The following GREB1L variants were observed in gnomAD, a reference collection of about 807,000 sequenced individuals.
GREB1L encodes GREB1-like protein.
A neutral mutation model predicts 200.8 loss-of-function variants in GREB1L; 17 were observed. That is an observed-to-expected ratio of 0.08 (90% confidence interval 0.06 to 0.13). The LOEUF (loss-of-function observed/expected upper bound fraction) is 0.13, where lower values mean the gene tolerates loss of function less well. GREB1L is among the 10% of genes least tolerant of loss of function. The probability of loss-of-function intolerance (pLI) is 1.00; values close to 1 mark genes in which losing one functional copy is unlikely to be tolerated. For synonymous variants in GREB1L, 789 were observed against 893.0 expected, an observed-to-expected ratio of 0.88 and a Z score of 2.08; for missense variants, 1,657 against 2,367.7, an observed-to-expected ratio of 0.70 and a Z score of 6.23.
chr18:21,310,736 C>T (rs1200320580), intron 1 of GREB1L, among the ~76,000 whole-genome samples: 1 of 152,168 alleles, frequency 6.6e-6, no homozygotes, highest in Non-Finnish European at 1.5e-5. Flanking sequence ...ATTTCATATT[C>T]TATTACTAAG....
chr18:21,484,874 A>G (rs1473506042), intron 17 of GREB1L, among the ~76,000 whole-genome samples: 3 of 152,314 alleles, frequency 2.0e-5, no homozygotes, highest in Middle Eastern at 3.4e-3. Flanking sequence ...AGGCAACATG[A>G]CAGCAAGCAG....
chr18:21,396,725 TTATC>T (rs2041082076), intron 5 of GREB1L, among the ~76,000 whole-genome samples: 1 of 152,218 alleles, frequency 6.6e-6, no homozygotes, highest in Admixed American at 6.5e-5. Context: ...GTAAATGACT[TTATC>T]TAGAATTATT....
At chr18:21,444,188 A>T in intron 10 of GREB1L, 36 bp from the exon 11 acceptor site, 5 of 1,451,862 alleles carry the variant, frequency 3.4e-6, no homozygotes, top group Non-Finnish European at 4.7e-6. Flanking sequence ...ATAAAAAGAA[A>T]TGTTGAACTG....
intron 1 of GREB1L, among the ~76,000 whole-genome samples, chr18:21,359,108 G>T (rs1017939469): frequency 1.4e-4 from 21 of 152,190 alleles, no homozygotes; most frequent in African/African-American, 5.1e-4. Flanking sequence ...GGTTACTCGG[G>T]CAGATTTGGG....
At chr18:21,434,497 ATATGTGTGTG>A (rs1235987434) in intron 7 of GREB1L, among the ~76,000 whole-genome samples, 1 of 122,418 alleles carries the variant, frequency 8.2e-6, no homozygotes, top group African/African-American at 3.1e-5. Context: ...ATATATATAT[ATATGTGTGTG>A]TGTGTGTGTG....
chr18:21,411,853 G>A (rs1319536831), intron 7 of GREB1L, among the ~76,000 whole-genome samples: 1 of 151,496 alleles, frequency 6.6e-6, no homozygotes, highest in East Asian at 2.0e-4. Flanking sequence ...AGACCATCCT[G>A]GCTAACACGG....
At position 21,325,567 on chromosome 18, in the gene GREB1L, C is replaced by T. The variant is rs563705634; in HGVS notation, c.-119-40460C>T. Among the ~76,000 whole-genome samples, 6 of 152,026 alleles carry T rather than the reference C, an allele frequency of 3.9e-5. No individual in the cohort carries two copies. The East Asian group carries it at 5.8e-4, about 15-fold the overall frequency. On this transcript the variant is annotated intron_variant, in intron 1 of 32. Transcript: ENST00000424526. ...CGGTAGCTCACATACGTAATCCCAG[C>T]GCTGTGGGAGGCTGAGGCAAGAGGA...
chr18:21,311,575 A>G (rs1423593239), intron 1 of GREB1L, among the ~76,000 whole-genome samples: 2 of 152,132 alleles, frequency 1.3e-5, no homozygotes, highest in African/African-American at 4.8e-5. Context: ...TACTCAATGT[A>G]TCTTTCCCTC....
intron 1 of GREB1L, among the ~76,000 whole-genome samples, chr18:21,352,961 C>T (rs1338895499): frequency 6.6e-6 from 1 of 151,852 alleles, no homozygotes; most frequent in Non-Finnish European, 1.5e-5. Context: ...GTGGGCGGAT[C>T]ATGAGGTCAG....
At chr18:21,243,837 A>AAAAGTAATG (rs2037550587) in intron 1 of GREB1L, among the ~76,000 whole-genome samples, 3 of 78,834 alleles carry the variant, frequency 3.8e-5, no homozygotes, top group African/African-American at 1.4e-4. Flanking sequence ...GAATGAATAT[A>AAAAGTAATG]TAAGTAGGGT....
chr18:21,358,298 G>T lies in GREB1L; in HGVS notation c.-119-7729G>T, dbSNP rs1392292780. Among the ~76,000 whole-genome samples, 3 of 151,880 alleles carry T rather than the reference G, an allele frequency of 2.0e-5. No individual in the cohort carries two copies. The East Asian group carries it at 5.8e-4, about 29-fold the overall frequency. On this transcript the variant is annotated intron_variant, in intron 1 of 32. Coordinates refer to ENST00000424526, the MANE Select transcript of GREB1L (RefSeq NM_001142966.3). ...TGATTTTTGAGGAAAAACAGTTATT[G>T]TATGTTCTCTTTATTTATTTATGTA...
At chr18:21,350,095 C>T (rs2039411273) in intron 1 of GREB1L, among the ~76,000 whole-genome samples, 1 of 152,156 alleles carries the variant, frequency 6.6e-6, no homozygotes, top group South Asian at 2.1e-4. Flanking sequence ...ACAGGTCTGT[C>T]TGCATGTCTA....
chr18:21,285,665 G>T (rs1301417939), intron 1 of GREB1L, among the ~76,000 whole-genome samples: 1 of 152,128 alleles, frequency 6.6e-6, no homozygotes, highest in Non-Finnish European at 1.5e-5. Flanking sequence ...AAATATTTTT[G>T]TCTGAAATTA....
intron 1 of GREB1L, among the ~76,000 whole-genome samples, chr18:21,275,208 C>G (rs1198445264): frequency 1.3e-5 from 2 of 151,786 alleles, no homozygotes; most frequent in Non-Finnish European, 2.9e-5. Flanking sequence ...CCACTGCACT[C>G]CAGCCTGGTG....
At chr18:21,506,674 T>C (rs1215818335) in intron 25 of GREB1L, among the ~76,000 whole-genome samples, 1 of 152,240 alleles carries the variant, frequency 6.6e-6, no homozygotes, top group African/African-American at 2.4e-5. Flanking sequence ...TGAGCTGTGA[T>C]TCTAACAAGA....
At chr18:21,445,571 A>G (rs1009914180) in intron 11 of GREB1L, among the ~76,000 whole-genome samples, 1 of 152,248 alleles carries the variant, frequency 6.6e-6, no homozygotes, top group African/African-American at 2.4e-5. Flanking sequence ...TTTTAATTTT[A>G]GAAAATACTT....
intron 1 of GREB1L, among the ~76,000 whole-genome samples, chr18:21,285,090 A>T (rs896764510): frequency 5.3e-5 from 8 of 152,214 alleles, no homozygotes; most frequent in Non-Finnish European, 1.2e-4. Flanking sequence ...TTTATCAGAT[A>T]AACGGCTTAA....
chr18:21,268,560 C>CATATATATATATATATAT (rs370094258), intron 1 of GREB1L, among the ~76,000 whole-genome samples: 3 of 63,516 alleles, frequency 4.7e-5, no homozygotes, highest in Admixed American at 2.0e-4. Flanking sequence ...CACACACACA[C>CATATATATATATATATAT]ATATATATAT....
In GREB1L at chr18:21,495,913, G is replaced by C. The variant is rs181688050; in HGVS notation, c.3146+128G>C. 1,146 of 561,192 alleles carry C rather than the reference G, an allele frequency of 2.0e-3. 1 individual carries two copies. Among genetic ancestry groups the C allele is most frequent in the Non-Finnish European group, 3.0e-3 (974 of 322,254 alleles). The allele number at this position is 561,192 out of a possible 1,614,324, so 34.8% of individuals were successfully genotyped here. Reference sequence around the variant, plus strand: ...TGAGAAGAGGATTGTTTAATGCAGGGATACAAGAAATACAGCCATACAACC... The same window carrying C: ...TGAGAAGAGGATTGTTTAATGCAGGCATACAAGAAATACAGCCATACAACC... On this transcript the variant is annotated intron_variant, in intron 20 of 32. Coordinates refer to ENST00000424526, the MANE Select transcript of GREB1L (RefSeq NM_001142966.3).
Sources: gnomAD v4.1 joint callset for allele counts (sites outside exome capture counted in the v4.1 genomes callset) on GRCh38, gnomAD v4.1.1 for gene constraint, MANE v1.5 for transcripts, NCBI Gene and HGNC (gene_info 2026-07-23, HGNC 2026-07-21) for gene names.